Variants in ATP6V1H observed in about 807,000 individuals in gnomAD.
ATP6V1H encodes the protein V-type proton ATPase subunit H.
Under a neutral mutation model 71.7 loss-of-function variants are expected in ATP6V1H, and 39 were observed. That is an observed-to-expected ratio of 0.54 (90% CI 0.42 to 0.71). The LOEUF (loss-of-function observed/expected upper bound fraction) is 0.71. Ranked by LOEUF, ATP6V1H falls within the 30% of genes least tolerant of loss-of-function variation. The probability of loss-of-function intolerance (pLI) is 0.00; values close to 1 mark genes in which losing one functional copy is unlikely to be tolerated. For synonymous variants in ATP6V1H, 192 were observed against 199.3 expected, an observed-to-expected ratio of 0.96 and a Z score of 0.31; for missense variants, 509 against 594.9, an observed-to-expected ratio of 0.86 and a Z score of 1.50.
At chr8:53,835,324 C>T (rs565488256) in intron 2 of ATP6V1H, among the ~76,000 whole-genome samples, 15 of 152,256 alleles carry the variant, frequency 9.9e-5, no homozygotes, top group African/African-American at 3.6e-4. Context: ...CAAAAAAGCC[C>T]AGCAGGATTC....
intron 9 of ATP6V1H, among the ~76,000 whole-genome samples, chr8:53,794,813 C>G (rs1809678163): frequency 6.6e-6 from 1 of 152,160 alleles, no homozygotes; most frequent in Admixed American, 6.5e-5. Context: ...CAACGTATAG[C>G]AAAGATACCT....
intron 11 of ATP6V1H, among the ~76,000 whole-genome samples, chr8:53,761,775 C>T (rs557152384): frequency 1.3e-5 from 2 of 152,272 alleles, no homozygotes; most frequent in South Asian, 4.1e-4. Context: ...GGAGTCTAAA[C>T]AACAGAGATA....
intron 13 of ATP6V1H, among the ~76,000 whole-genome samples, chr8:53,734,756 C>G (rs905884329): frequency 6.6e-6 from 1 of 152,180 alleles, no homozygotes; most frequent in African/African-American, 2.4e-5. Context: ...GCTCGGAAAG[C>G]TGCATCCACC....
intron 12 of ATP6V1H, among the ~76,000 whole-genome samples, chr8:53,752,355 T>C (rs1190294948): frequency 6.6e-6 from 1 of 152,192 alleles, no homozygotes; most frequent in Non-Finnish European, 1.5e-5. Flanking sequence ...TTTGTTTGAA[T>C]GGGCTGGTCA....
chr8:53,764,589 A>C (rs1298483911), intron 11 of ATP6V1H, among the ~76,000 whole-genome samples: 1 of 152,194 alleles, frequency 6.6e-6, no homozygotes, highest in African/African-American at 2.4e-5. Flanking sequence ...GAATAATGAG[A>C]AACTAGATGC....
chr8:53,753,942 G>T lies in ATP6V1H; in HGVS notation c.1277+2613C>A, dbSNP rs188110865. On this transcript the variant is annotated intron_variant, in intron 12 of 13. Coordinates refer to ENST00000359530, the MANE Select transcript of ATP6V1H (RefSeq NM_015941.4). ...TGAGACTCCTGGGTCCGAGACAAAG[G>T]ATAGTTTATTGCTCACAGCAACAGA... Among the ~76,000 whole-genome samples, 334 of 152,252 alleles carry T rather than the reference G, an allele frequency of 2.2e-3. 2 individuals carry two copies. The highest frequency in any genetic ancestry group is 7.8e-3 in the African/African-American group (323 of 41,540).
chr8:53,725,458 A>G (rs73682551), intron 13 of ATP6V1H, among the ~76,000 whole-genome samples: 25,250 of 150,798 alleles, frequency 0.17, 3,485 homozygotes, highest in East Asian at 0.41. Flanking sequence ...TCAGAAAATA[A>G]ACAAAGACAC....
rs538623369 is a variant in ATP6V1H at position 53,782,082 on chromosome 8, T to C, written c.871-9915A>G. On this transcript the variant is annotated intron_variant, in intron 9 of 13. Coordinates refer to ENST00000359530, the MANE Select transcript of ATP6V1H (RefSeq NM_015941.4). ...GTTTTTTCCAATTCTCTGAAGAAAG[T>C]CATTGGTAGCTTGATGGGGATGGCA... Among the ~76,000 whole-genome samples, 6 of 152,324 alleles carry C rather than the reference T, an allele frequency of 3.9e-5. No homozygotes were observed. In the South Asian group the frequency reaches 1.0e-3, roughly 26 times the overall value.
rs747033289 is a variant in ATP6V1H, at chr8:53,814,779, A to T, written c.421-13T>A. 6.4e-7 allele frequency: 1 copy of T among 1,559,076 alleles called. No homozygotes were observed. The highest frequency in any genetic ancestry group is 1.1e-5 in the South Asian group (1 of 89,096). On this transcript the variant is annotated splice_polypyrimidine_tract_variant and intron_variant, in intron 5 of 13. Coordinates refer to ENST00000359530, the MANE Select transcript of ATP6V1H (RefSeq NM_015941.4). ...TAATTCTTGCTGCCTGAAAACAAAT[A>T]AGAGATACATTTAACGCAACATTAA...
chr8:53,834,918 G>C (rs1183733690), intron 2 of ATP6V1H, among the ~76,000 whole-genome samples: 1 of 152,094 alleles, frequency 6.6e-6, no homozygotes, highest in Admixed American at 6.5e-5. Context: ...AAGATGGGGG[G>C]ACCCCTTGGG....
intron 3 of ATP6V1H, among the ~76,000 whole-genome samples, chr8:53,831,550 T>C (rs897578562): frequency 6.6e-6 from 1 of 152,192 alleles, no homozygotes; most frequent in African/African-American, 2.4e-5. Context: ...GTAACACTAT[T>C]ACGTTAAGAT....
chr8:53,756,379 G>A, intron 12 of ATP6V1H, 176 bp downstream of exon 12: 1 of 513,348 alleles, frequency 1.9e-6, no homozygotes, highest in Admixed American at 3.3e-5. Flanking sequence ...ACTGCAACCG[G>A]CCTATACTAC....
At chr8:53,767,087 T>C (rs1808497827) in intron 11 of ATP6V1H, among the ~76,000 whole-genome samples, 1 of 152,208 alleles carries the variant, frequency 6.6e-6, no homozygotes, top group Admixed American at 6.5e-5. Flanking sequence ...GATGCCCAGC[T>C]TTAAAATTTC....
intron 11 of ATP6V1H, among the ~76,000 whole-genome samples, chr8:53,760,030 T>A (rs576506609): frequency 6.6e-6 from 1 of 152,308 alleles, no homozygotes; most frequent in Non-Finnish European, 1.5e-5. Flanking sequence ...ATATAATTTA[T>A]AAGAATGTAA....
chr8:53,749,922 G>A (rs1265761245), intron 12 of ATP6V1H, among the ~76,000 whole-genome samples: 1 of 152,140 alleles, frequency 6.6e-6, no homozygotes, highest in Non-Finnish European at 1.5e-5. Context: ...AATCATCAGG[G>A]TGTGATTTCT....
chr8:53,795,873 C>T (rs1563470717), intron 8 of ATP6V1H, 34 bp from the exon 9 acceptor site: 1 of 1,559,444 alleles, frequency 6.4e-7, no homozygotes, highest in African/African-American at 1.4e-5. Context: ...AACACATTTA[C>T]AAAACATTTA....
At chr8:53,800,652 C>A (rs1054136778) in intron 8 of ATP6V1H, among the ~76,000 whole-genome samples, 2 of 152,154 alleles carry the variant, frequency 1.3e-5, no homozygotes, top group African/African-American at 2.4e-5. Context: ...GACTTCCAGA[C>A]AGTATTCTGC....
intron 9 of ATP6V1H, among the ~76,000 whole-genome samples, chr8:53,791,426 A>G (rs1329786793): frequency 6.6e-6 from 1 of 152,176 alleles, no homozygotes; most frequent in Non-Finnish European, 1.5e-5. Flanking sequence ...CCATTCACAG[A>G]ACAAGTCTGT....
intron 2 of ATP6V1H, among the ~76,000 whole-genome samples, chr8:53,840,274 G>T (rs983325325): frequency 3.2e-4 from 48 of 152,194 alleles, no homozygotes; most frequent in African/African-American, 9.9e-4. Flanking sequence ...AAGAGGGGCA[G>T]ATCACGAGGT....
Sources: gnomAD v4.1 joint callset for allele counts (sites outside exome capture counted in the v4.1 genomes callset) on GRCh38, gnomAD v4.1.1 for gene constraint, MANE v1.5 for transcripts, NCBI Gene and HGNC (gene_info 2026-07-23, HGNC 2026-07-21) for gene names.